EXOC6: variants seen among roughly 807,000 people sequenced by gnomAD.
EXOC6 encodes exocyst complex component 6.
A neutral mutation model predicts 112.5 loss-of-function variants in EXOC6; 60 were observed. That is an observed-to-expected ratio of 0.53 (90% confidence interval 0.43 to 0.66). EXOC6 has a LOEUF of 0.66. Among genes scored for constraint, EXOC6 ranks in the 30% least tolerant of loss-of-function variants. The pLI is 0.00. For synonymous variants in EXOC6, 295 were observed against 308.0 expected (o/e 0.96, Z 0.44); for missense variants, 855 against 957.1 (o/e 0.89, Z 1.41).
rs373217700 is a variant in EXOC6, at chr10:92,896,618, C to T, written c.412+1598C>T. 1.1e-4 allele frequency among the ~76,000 whole-genome samples: 17 copies of T among 151,976 alleles called. No individual in the cohort carries two copies. In the East Asian group the frequency reaches 2.7e-3, roughly 24 times the overall value. ...ATTATTATTATTTGAGACAGAGTCT[C>T]ACTCTGTTGGCCAGGCTGGAGTGCA... On this transcript the variant is annotated intron_variant, in intron 4 of 21. Transcript: ENST00000260762.
chr10:92,883,667 T>C (rs1849070711), intron 1 of EXOC6, among the ~76,000 whole-genome samples: 1 of 152,140 alleles, frequency 6.6e-6, no homozygotes, highest in South Asian at 2.1e-4. Context: ...ATAGTAAAAA[T>C]GCCTATACTG....
chr10:92,854,007 CA>C (rs34153493), intron 1 of EXOC6, among the ~76,000 whole-genome samples: 46,822 of 119,714 alleles, frequency 0.39, 7,374 homozygotes, highest in African/African-American at 0.47. Flanking sequence ...GTCCCTGTCT[CA>C]AAAAAAAAAA....
At chr10:92,862,029 G>T (rs1847934971) in intron 1 of EXOC6, among the ~76,000 whole-genome samples, 1 of 152,130 alleles carries the variant, frequency 6.6e-6, no homozygotes, top group African/African-American at 2.4e-5. Context: ...ATTTTAAAAT[G>T]TGTATTTCAG....
chr10:92,921,494 C>T (rs751636820), intron 8 of EXOC6, among the ~76,000 whole-genome samples: 17 of 151,940 alleles, frequency 1.1e-4, no homozygotes, highest in African/African-American at 2.9e-4. Context: ...GTGATCCACC[C>T]GTCTCGGCCT....
chr10:92,945,520 T>C (rs899722508), intron 13 of EXOC6, among the ~76,000 whole-genome samples: 9 of 152,214 alleles, frequency 5.9e-5, no homozygotes, highest in African/African-American at 1.9e-4. Context: ...TAGGAACTTA[T>C]ACACGTTTAT....
At chr10:93,029,609 C>A (rs1414259154) in intron 20 of EXOC6, among the ~76,000 whole-genome samples, 1 of 152,106 alleles carries the variant, frequency 6.6e-6, no homozygotes, top group South Asian at 2.1e-4. Context: ...TTAATAGTGT[C>A]TTTTGATGAG....
intron 9 of EXOC6, among the ~76,000 whole-genome samples, chr10:92,932,506 C>T (rs940592275): frequency 6.6e-6 from 1 of 151,890 alleles, no homozygotes; most frequent in African/African-American, 2.4e-5. Context: ...CTTAAAGGTA[C>T]CCAGAAAGAG....
At chr10:93,003,445 G>A (rs748125730) in intron 19 of EXOC6, among the ~76,000 whole-genome samples, 8 of 152,158 alleles carry the variant, frequency 5.3e-5, no homozygotes, top group Non-Finnish European at 8.8e-5. Context: ...TTGAAACAAT[G>A]TGTTGGTGCT....
chr10:93,035,630 G>A (rs1410031447), intron 20 of EXOC6, among the ~76,000 whole-genome samples: 1 of 152,038 alleles, frequency 6.6e-6, no homozygotes, highest in Non-Finnish European at 1.5e-5. Flanking sequence ...TGAGGTGAGC[G>A]GATCACTTGA....
Position 92,964,889 on chromosome 10 carries a change from C to T in EXOC6, c.1774-9164C>T, listed in dbSNP as rs918118782. ...GCAGTTCCCAGCAGCTCTAGGCTGT[C>T]TCAGTCTGGTAGCAAAATGACTGCC... is the stretch of plus-strand genomic sequence containing the variant. On this transcript the variant is annotated intron_variant, in intron 17 of 21. Coordinates refer to ENST00000260762, the MANE Select transcript of EXOC6 (RefSeq NM_019053.6). Among the ~76,000 whole-genome samples the T allele has an allele frequency of 4.6e-5, 7 of 152,208 alleles. 1 individual carries two copies. The highest frequency in any genetic ancestry group is 2.0e-4 in the Admixed American group (3 of 15,282).
chr10:92,896,181 A>ATATT (rs1564810118), intron 4 of EXOC6, among the ~76,000 whole-genome samples: 2 of 10,228 alleles, frequency 2.0e-4, no homozygotes, highest in Non-Finnish European at 2.8e-4. Flanking sequence ...ATATATATAT[A>ATATT]TTTTTTTTTT....
intron 20 of EXOC6, among the ~76,000 whole-genome samples, chr10:93,042,319 C>T (rs566130662): frequency 1.3e-5 from 2 of 152,288 alleles, no homozygotes; most frequent in Non-Finnish European, 2.9e-5. Context: ...ACCCCCTAAG[C>T]AATAATTGAT....
At chr10:93,047,158 G>A (rs1590106560) in intron 20 of EXOC6, among the ~76,000 whole-genome samples, 1 of 152,170 alleles carries the variant, frequency 6.6e-6, no homozygotes, top group Admixed American at 6.5e-5. Context: ...TAAGAGAGAG[G>A]CAAAGGGAAT....
At chr10:92,989,361 T>A (rs1250368133) in intron 18 of EXOC6, among the ~76,000 whole-genome samples, 1 of 152,240 alleles carries the variant, frequency 6.6e-6, no homozygotes, top group Non-Finnish European at 1.5e-5. Flanking sequence ...TGCAATCTAT[T>A]ATTCTCAGGC....
At chr10:92,872,223 G>A (rs1387845461) in intron 1 of EXOC6, among the ~76,000 whole-genome samples, 1 of 151,868 alleles carries the variant, frequency 6.6e-6, no homozygotes, top group Non-Finnish European at 1.5e-5. Context: ...AAGCAATTCT[G>A]CTGTATTTAT....
chr10:93,040,482 C>T (rs539071432), intron 20 of EXOC6, among the ~76,000 whole-genome samples: 3 of 152,142 alleles, frequency 2.0e-5, no homozygotes, highest in Non-Finnish European at 4.4e-5. Context: ...CTCCTGACCT[C>T]GTGATCCACC....
rs1323791726 is a variant in EXOC6, at chr10:92,848,553, G to A, written c.20G>A (p.Ser7Asn). ...GCCAAAATGGCGGAGAACAGCGAGA[G>A]TCTGGGCACCGTCCCCGAGCACGAG... MAENSE[S>N]LGTVPEHERI... is the part of the protein sequence containing the mutation. Residue 7 changes from serine to asparagine, a missense_variant, in exon 1 of 22, where the codon AGT becomes AAT. Coordinates refer to ENST00000260762, the MANE Select transcript of EXOC6 (RefSeq NM_019053.6). 9 of 1,436,876 alleles carry A rather than the reference G, an allele frequency of 6.3e-6. No homozygotes were observed. The highest frequency in any genetic ancestry group is 8.4e-6 in the Non-Finnish European group (9 of 1,076,512). 89.0% of individuals were successfully genotyped at this position (1,436,876 alleles called of 1,614,324 possible).
chr10:92,860,715 T>C (rs1847871916), intron 1 of EXOC6, among the ~76,000 whole-genome samples: 1 of 152,260 alleles, frequency 6.6e-6, no homozygotes, highest in Non-Finnish European at 1.5e-5. Context: ...TTATATGTTT[T>C]TCTGTTACGG....
Position 92,997,618 on chromosome 10 carries a change from A to G in EXOC6, c.2095+3A>G. On this transcript the variant is annotated splice_donor_region_variant and intron_variant, in intron 19 of 21. Transcript: ENST00000260762. ...CTTAGATGTCATACAGTGTGAATGT[A>G]AGTACTATATTGGTTTATTCTTATG... is the stretch of plus-strand genomic sequence containing the variant. 2.5e-6 allele frequency: 4 copies of G among 1,603,834 alleles called. No individual in the cohort carries two copies. The highest frequency in any genetic ancestry group is 3.4e-6 in the Non-Finnish European group (4 of 1,175,184).
Sources: allele counts gnomAD v4.1 joint callset (sites outside exome capture counted in the v4.1 genomes callset), GRCh38; gene constraint gnomAD v4.1.1; transcripts MANE v1.5; gene names NCBI Gene and HGNC (gene_info 2026-07-23, HGNC 2026-07-21).